The following TGM2 variants were observed in gnomAD, a reference collection of about 807,000 sequenced individuals.
TGM2 encodes protein-glutamine gamma-glutamyltransferase 2.
A neutral mutation model predicts 75.6 loss-of-function variants in TGM2; 53 were observed. The ratio of observed to expected loss-of-function variants is 0.70; its 90% confidence interval spans 0.56 to 0.88. The LOEUF is 0.88. Ranked by LOEUF, TGM2 falls within the 40% of genes least tolerant of loss-of-function variation. The probability of loss-of-function intolerance (pLI) is 0.00; values close to 1 mark genes in which losing one functional copy is unlikely to be tolerated. For synonymous variants in TGM2, 374 were observed against 381.1 expected (o/e 0.98, Z 0.22); for missense variants, 842 against 928.5 (o/e 0.91, Z 1.21).
At chr20:38,167,918 C>T (rs1450473083), upstream of TGM2, among the ~76,000 whole-genome samples, 1 of 152,194 alleles carries the variant, frequency 6.6e-6, no homozygotes, top group Non-Finnish European at 1.5e-5. Context: ...TCAGTTTCCT[C>T]ATTTGTAAAA....
At chr20:38,141,151 C>T in intron 8 of TGM2, 131 bp downstream of exon 8, 1 of 668,664 alleles carries the variant, frequency 1.5e-6, no homozygotes, top group Non-Finnish European at 2.7e-6. Flanking sequence ...AGTGAGGTCC[C>T]CCACCCTTCT....
intron 1 of TGM2, among the ~76,000 whole-genome samples, chr20:38,163,907 T>C (rs1386989583): frequency 6.6e-6 from 1 of 152,180 alleles, no homozygotes; most frequent in Admixed American, 6.5e-5. Context: ...CTCCATCTGT[T>C]GTCCGAAGAA....
chr20:38,152,231 T>C (rs1483061469), intron 3 of TGM2, among the ~76,000 whole-genome samples: 11 of 152,176 alleles, frequency 7.2e-5, no homozygotes. Context: ...CCGGGTCTAA[T>C]GGAGAAGCTG....
At chr20:38,164,150 G>A (rs761576560) in intron 1 of TGM2, among the ~76,000 whole-genome samples, 2 of 152,006 alleles carry the variant, frequency 1.3e-5, no homozygotes, top group African/African-American at 4.8e-5. Context: ...GAGGACAAGC[G>A]GCCACCGAGG....
Position 38,155,997 on chromosome 20 carries a change from G to T in TGM2, c.283C>A (p.Gln95Lys). ...TGCAGCGAGAGGGTGCAGTCTTGCT[G>T]GTCCACCACGGTGGCTGTCCAGTCA... is the stretch of plus-strand genomic sequence containing the variant. ...EGDWTATVVD[Q>K]QDCTLSLQLT... The change falls in exon 3 of 13, where the codon CAG (glutamine) becomes AAG (lysine). Residue 95 changes from glutamine to lysine, a missense_variant. Physicochemically the swap from Gln to Lys is moderately conservative, Grantham distance 53 (BLOSUM62 1). Coordinates refer to ENST00000361475, the MANE Select transcript of TGM2 (RefSeq NM_004613.4). 6.2e-7 allele frequency: 1 copy of T among 1,613,722 alleles called. No individual in the cohort carries two copies.
chr20:38,131,555 A>T (rs45532832), intron 11 of TGM2, among the ~76,000 whole-genome samples: 4 of 152,008 alleles, frequency 2.6e-5, no homozygotes, highest in South Asian at 4.2e-4. Context: ...TCACTGTGTG[A>T]CCTGGGGAAG....
rs1200573058 is a variant in TGM2 at position 38,151,029 on chromosome 20, C to T, written c.462G>A (p.Glu154=). The T allele has an allele frequency of 6.2e-7, 1 of 1,614,180 alleles. No homozygotes were observed. The highest frequency in any genetic ancestry group is 1.7e-5 in the Admixed American group (1 of 60,032). ...GGGTGAGGACATACTCCTGCCGCTC[C>T]TCTTCCGAGTCCAGGTACACAGCAT... ...PADAVYLDSE[E]ERQEYVLTQQ... The change falls in exon 4 of 13, where the codon GAG becomes GAA. Residue 154 remains glutamate (E), a synonymous_variant. Transcript: ENST00000361475.
chr20:38,161,271 A>G (rs1044130472), intron 2 of TGM2, 149 bp downstream of exon 2: 2 of 1,094,446 alleles, frequency 1.8e-6, no homozygotes, highest in African/African-American at 1.5e-5. Context: ...TCATCTCTAA[A>G]ATGGGGCTGA....
intron 7 of TGM2, 40 bp from the exon 8 acceptor site, chr20:38,141,425 G>A (rs1225930365): frequency 6.9e-7 from 1 of 1,457,750 alleles, no homozygotes. Context: ...CAGAACATGA[G>A]CAACATTCAT....
intron 2 of TGM2, among the ~76,000 whole-genome samples, chr20:38,157,004 C>T (rs115929130): frequency 0.022 from 3,343 of 152,290 alleles, 132 homozygotes; most frequent in African/African-American, 0.077. Flanking sequence ...GGGGAGGGCC[C>T]GCCCCCACAG....
chr20:38,161,693 C>T (rs1399840667), intron 1 of TGM2, 94 bp from the exon 2 acceptor site: 12 of 1,420,744 alleles, frequency 8.4e-6, no homozygotes, highest in Non-Finnish European at 1.2e-5. Context: ...GCCTTGTGCC[C>T]TCTTACTCCC....
intron 2 of TGM2, among the ~76,000 whole-genome samples, chr20:38,159,042 T>C (rs1262978653): frequency 2.0e-5 from 3 of 152,170 alleles, no homozygotes; most frequent in African/African-American, 7.2e-5. Flanking sequence ...AGGTTGGTTA[T>C]GGTTTGAGAT....
At chr20:38,160,351 G>A (rs1359709057) in intron 2 of TGM2, among the ~76,000 whole-genome samples, 2 of 152,214 alleles carry the variant, frequency 1.3e-5, no homozygotes, top group African/African-American at 4.8e-5. Context: ...TCCCAGGAAT[G>A]GCCAACAAAG....
chr20:38,127,472 T>A lies in TGM2; in HGVS notation c.*2747A>T, dbSNP rs553380062. 32 of 573,744 alleles carry A rather than the reference T, an allele frequency of 5.6e-5. No individual in the cohort carries two copies. The Middle Eastern group carries it at 2.7e-3, about 49-fold the overall frequency. The allele number at this position is 573,744 out of a possible 1,614,324, so 35.5% of individuals were successfully genotyped here. On this transcript the variant is annotated 3_prime_UTR_variant, in exon 13 of 13. Coordinates refer to ENST00000361475, the MANE Select transcript of TGM2 (RefSeq NM_004613.4). The stretch of plus-strand genomic sequence containing the variant: ...TTCCCAAGGGTGGGGACTGTCCCCA[T>A]CATCTATTCATTCAACAGATACTCA...
Position 38,146,862 on chromosome 20 carries a change from C to A in TGM2, c.714G>T (p.Leu238=). ...VNCNDDQGVL[L]GRWDNNYGDG... ...CCCCGTAGTTGTTGTCCCAGCGTCCCAGCAGCACACCCTGGTCATCGTTGC... is the reference window on the plus strand; with the variant it reads ...CCCCGTAGTTGTTGTCCCAGCGTCCAAGCAGCACACCCTGGTCATCGTTGC... Residue 238 remains leucine, a synonymous_variant, in exon 6 of 13, where the codon CTG becomes CTT. Coordinates refer to ENST00000361475, the MANE Select transcript of TGM2 (RefSeq NM_004613.4). 1 of 1,613,950 alleles carries A rather than the reference C, an allele frequency of 6.2e-7. No individual in the cohort carries two copies. Among genetic ancestry groups the A allele is most frequent in the Non-Finnish European group, 8.5e-7 (1 of 1,180,050 alleles).
chr20:38,147,691 T>G (rs974807744), intron 5 of TGM2, among the ~76,000 whole-genome samples: 1 of 150,466 alleles, frequency 6.6e-6, no homozygotes, highest in Non-Finnish European at 1.5e-5. Flanking sequence ...CACACAGGAC[T>G]TGCACACAGC....
At chr20:38,143,507 A>G (rs995070595) in intron 6 of TGM2, among the ~76,000 whole-genome samples, 1 of 152,172 alleles carries the variant, frequency 6.6e-6, no homozygotes, top group African/African-American at 2.4e-5. Flanking sequence ...TGTTGCAATG[A>G]CAGGTTAAAC....
intron 2 of TGM2, among the ~76,000 whole-genome samples, chr20:38,156,586 C>A (rs2075190712): frequency 6.6e-6 from 1 of 152,250 alleles, no homozygotes; most frequent in Non-Finnish European, 1.5e-5. Flanking sequence ...GAAGGGACCT[C>A]GGTCCTCTGA....
intron 3 of TGM2, among the ~76,000 whole-genome samples, chr20:38,155,572 T>C (rs1184990665): frequency 6.6e-6 from 1 of 152,168 alleles, no homozygotes; most frequent in East Asian, 1.9e-4. Context: ...CTTTAACTCC[T>C]GGCTCGCTCA....
Sources: gnomAD v4.1 joint callset for allele counts (sites outside exome capture counted in the v4.1 genomes callset) on GRCh38, gnomAD v4.1.1 for gene constraint, MANE v1.5 for transcripts, NCBI Gene and HGNC (gene_info 2026-07-23, HGNC 2026-07-21) for gene names.